The following CHIC2 variants were observed in gnomAD, a reference collection of about 807,000 sequenced individuals.
CHIC2 encodes cysteine rich hydrophobic domain 2.
Under a neutral mutation model 25.9 loss-of-function variants are expected in CHIC2, and 14 were observed. The observed-to-expected ratio is 0.54, with a 90% CI of 0.36 to 0.85. The LOEUF (loss-of-function observed/expected upper bound fraction) is 0.85. Among genes scored for constraint, CHIC2 ranks in the 40% least tolerant of loss-of-function variants. CHIC2 has a pLI of 0.01. For synonymous variants in CHIC2, 70 were observed against 72.0 expected (o/e 0.97, Z 0.14); for missense variants, 146 against 202.0 (o/e 0.72, Z 1.68).
intron 1 of CHIC2, among the ~76,000 whole-genome samples, chr4:54,063,451 C>A (rs1007801685): frequency 6.6e-6 from 1 of 152,198 alleles, no homozygotes; most frequent in African/African-American, 2.4e-5. Flanking sequence ...TTATTAATAT[C>A]AGACTTTTAA....
intron 3 of CHIC2, among the ~76,000 whole-genome samples, chr4:54,015,231 C>T (rs1239160634): frequency 1.3e-5 from 2 of 152,132 alleles, no homozygotes; most frequent in Admixed American, 6.5e-5. Flanking sequence ...TACTGCCTTA[C>T]ATTTTCCAAG....
the CHIC2 span, among the ~76,000 whole-genome samples, chr4:54,082,964 A>T: frequency 6.6e-6 from 1 of 151,700 alleles, no homozygotes; most frequent in African/African-American, 2.4e-5. Flanking sequence ...TGCTTTAAAT[A>T]ATATAGGCTG....
At chr4:54,067,917 TG>T (rs1717547100), upstream of CHIC2, among the ~76,000 whole-genome samples, 1 of 137,968 alleles carries the variant, frequency 7.2e-6, no homozygotes, top group African/African-American at 2.6e-5. Flanking sequence ...GACTGAATTT[TG>T]TCCCCCCCCC....
At chr4:54,022,682 T>G (rs1008511429) in intron 3 of CHIC2, among the ~76,000 whole-genome samples, 1 of 151,990 alleles carries the variant, frequency 6.6e-6, no homozygotes, top group African/African-American at 2.4e-5. Flanking sequence ...CTTGTATCCC[T>G]CCACCTTAAC....
At chr4:54,025,533 G>A (rs1031009523) in intron 3 of CHIC2, among the ~76,000 whole-genome samples, 3 of 152,082 alleles carry the variant, frequency 2.0e-5, no homozygotes, top group African/African-American at 2.4e-5. Context: ...CTCTTCGCAC[G>A]GATGCATGAG....
intron 3 of CHIC2, among the ~76,000 whole-genome samples, chr4:54,041,554 T>A (rs760154878): frequency 2.0e-5 from 3 of 152,146 alleles, no homozygotes; most frequent in Non-Finnish European, 2.9e-5. Context: ...AATCACAGAT[T>A]CTTCCTATCA....
At chr4:54,053,740 G>A (rs1717079541) in intron 1 of CHIC2, among the ~76,000 whole-genome samples, 1 of 151,840 alleles carries the variant, frequency 6.6e-6, no homozygotes, top group Non-Finnish European at 1.5e-5. Flanking sequence ...TTTTAAATAA[G>A]AGCTATTTTT....
the CHIC2 span, among the ~76,000 whole-genome samples, chr4:54,088,957 A>G: frequency 6.6e-6 from 1 of 152,218 alleles, no homozygotes; most frequent in African/African-American, 2.4e-5. Context: ...GGTGCCAGCA[A>G]CAGAGACCTG....
intron 3 of CHIC2, among the ~76,000 whole-genome samples, chr4:54,023,005 T>C (rs1715948778): frequency 6.6e-6 from 1 of 151,958 alleles, no homozygotes; most frequent in South Asian, 2.1e-4. Context: ...ATATACTCTA[T>C]CCTCAATACC....
chr4:54,015,275 C>T (rs1295210857), intron 3 of CHIC2, among the ~76,000 whole-genome samples: 1 of 152,072 alleles, frequency 6.6e-6, no homozygotes, highest in East Asian at 1.9e-4. Context: ...TCAACTACTT[C>T]CCTGGGTAAT....
At chr4:54,021,724 C>T (rs1228624107) in intron 3 of CHIC2, among the ~76,000 whole-genome samples, 1 of 152,092 alleles carries the variant, frequency 6.6e-6, no homozygotes, top group Non-Finnish European at 1.5e-5. Context: ...CAGCCCAGTC[C>T]ATGGCCCGTT....
intron 5 of CHIC2, among the ~76,000 whole-genome samples, chr4:54,012,914 A>G (rs1715636022): frequency 6.6e-6 from 1 of 152,146 alleles, no homozygotes; most frequent in South Asian, 2.1e-4. Flanking sequence ...TGATTTTATG[A>G]TAATTTACAA....
intron 3 of CHIC2, among the ~76,000 whole-genome samples, chr4:54,040,203 A>G (rs1716521499): frequency 2.0e-5 from 3 of 152,232 alleles, no homozygotes. Context: ...GTATATTAAA[A>G]AACAATTTTC....
chr4:54,086,247 A>G, the CHIC2 span, among the ~76,000 whole-genome samples: 2 of 152,142 alleles, frequency 1.3e-5, no homozygotes, highest in East Asian at 3.9e-4. Flanking sequence ...AATGCTGGTC[A>G]TACACAAGTT....
At chr4:54,033,940 G>A (rs1175327756) in intron 3 of CHIC2, among the ~76,000 whole-genome samples, 2 of 151,816 alleles carry the variant, frequency 1.3e-5, no homozygotes, top group Non-Finnish European at 2.9e-5. Flanking sequence ...GGTAGCGTTG[G>A]TTCTCCAACT....
the CHIC2 span, among the ~76,000 whole-genome samples, chr4:54,080,320 A>G: frequency 6.6e-6 from 1 of 152,062 alleles, no homozygotes; most frequent in East Asian, 1.9e-4. Context: ...AATCTCACTT[A>G]TAGGTGGAAT....
At chr4:54,041,748 A>G (rs1294019410) in intron 3 of CHIC2, among the ~76,000 whole-genome samples, 1 of 152,146 alleles carries the variant, frequency 6.6e-6, no homozygotes, top group Non-Finnish European at 1.5e-5. Context: ...ATATATGTAA[A>G]GCATCTAAGA....
At chr4:54,044,017 A>C (rs1716683464) in intron 3 of CHIC2, among the ~76,000 whole-genome samples, 2 of 152,218 alleles carry the variant, frequency 1.3e-5, no homozygotes, top group South Asian at 4.1e-4. Context: ...GTCTCGGATA[A>C]AACAGACTTT....
intron 3 of CHIC2, among the ~76,000 whole-genome samples, chr4:54,038,129 A>C (rs553604628): frequency 6.6e-6 from 1 of 152,264 alleles, no homozygotes; most frequent in South Asian, 2.1e-4. Context: ...TAGAACTCCT[A>C]CACTGTGAAA....
Sources: allele counts gnomAD v4.1 joint callset (sites outside exome capture counted in the v4.1 genomes callset), GRCh38; gene constraint gnomAD v4.1.1; transcripts MANE v1.5; gene names NCBI Gene and HGNC (gene_info 2026-07-23, HGNC 2026-07-21).